ADGRL2: variants seen among roughly 807,000 people sequenced by gnomAD.
ADGRL2 encodes the protein calcium-independent alpha-latrotoxin receptor 2.
In ADGRL2, 44 loss-of-function variants were observed where a neutral mutation model predicts 157.4. The ratio of observed to expected loss-of-function variants is 0.28; its 90% CI spans 0.22 to 0.36. The LOEUF is 0.36. ADGRL2 is among the 10% of genes least tolerant of loss of function. The probability of loss-of-function intolerance (pLI) is 1.00; values close to 1 mark genes in which losing one functional copy is unlikely to be tolerated. For synonymous variants in ADGRL2, 585 were observed against 624.7 expected (o/e 0.94, Z 0.95); for missense variants, 1,510 against 1,768.9 (o/e 0.85, Z 2.63).
At chr1:81,383,808 CAAAAA>C (rs56660027) in intron 1 of ADGRL2, among the ~76,000 whole-genome samples, 15 of 104,318 alleles carry the variant, frequency 1.4e-4, no homozygotes, top group African/African-American at 5.1e-4. Flanking sequence ...ACTAAAAATA[CAAAAA>C]AAAAAAAAAA....
chr1:81,764,968 T>C (rs2086062156), intron 2 of ADGRL2, among the ~76,000 whole-genome samples: 3 of 152,092 alleles, frequency 2.0e-5, no homozygotes, highest in African/African-American at 7.2e-5. Flanking sequence ...CTCATCCATA[T>C]TTCGTTGAAA....
rs796358240 is a variant in ADGRL2, at chr1:81,993,777, C to T, written c.*2632C>T. Among the ~76,000 whole-genome samples, 2 of 152,102 alleles carry T rather than the reference C, an allele frequency of 1.3e-5. No individual in the cohort carries two copies. The highest frequency in any genetic ancestry group is 2.4e-5 in the African/African-American group (1 of 41,398). On this transcript the variant is annotated 3_prime_UTR_variant, in exon 24 of 24. Coordinates refer to ENST00000686636, the MANE Select transcript of ADGRL2 (RefSeq NM_001366006.2). ...TTTCTTTGGGTCTGCCTAGACTTCA[C>T]CTGAATGTACAGTTTTCACATTCTT... is the stretch of plus-strand genomic sequence containing the variant.
chr1:81,967,890 A>G (rs1274034994), intron 13 of ADGRL2, 136 bp from the exon 14 acceptor site: 6 of 696,318 alleles, frequency 8.6e-6, no homozygotes, highest in Non-Finnish European at 1.2e-5. Flanking sequence ...CATAGTCCAC[A>G]ATTTTGCTGA....
At chr1:81,677,237 G>A (rs1056735570) in intron 3 of ADGRL2, among the ~76,000 whole-genome samples, 18 of 151,774 alleles carry the variant, frequency 1.2e-4, no homozygotes, top group African/African-American at 3.4e-4. Context: ...TGCCTGCCTC[G>A]GCCTCCCAAA....
At chr1:81,460,914 T>G (rs1051935159) in intron 2 of ADGRL2, among the ~76,000 whole-genome samples, 2 of 152,208 alleles carry the variant, frequency 1.3e-5, no homozygotes, top group Non-Finnish European at 2.9e-5. Flanking sequence ...CAAGTGTACA[T>G]TTTATATTTG....
rs759539614 is a variant in ADGRL2, at chr1:81,907,090, G to A, written c.147G>A (p.Leu49=). Residue 49 remains leucine (L), a synonymous_variant, in exon 3 of 24, where the codon CTG becomes CTA. Coordinates refer to ENST00000686636, the MANE Select transcript of ADGRL2 (RefSeq NM_001366006.2). Reference sequence around the variant, plus strand: ...CCTGTGAAGGTTATTCTATAGATCTGCGATGCCCGGGCAGTGATGTCATCA... The same window carrying A: ...CCTGTGAAGGTTATTCTATAGATCTACGATGCCCGGGCAGTGATGTCATCA... The part of the protein sequence containing the change: ...ELSCEGYSID[L]RCPGSDVIMI... 57 of 1,613,984 alleles carry A rather than the reference G, an allele frequency of 3.5e-5. No individual in the cohort carries two copies. Among genetic ancestry groups the A allele is most frequent in the Non-Finnish European group, 4.7e-5 (55 of 1,180,012 alleles).
chr1:81,867,634 T>C (rs527651719), intron 2 of ADGRL2, among the ~76,000 whole-genome samples: 1 of 152,320 alleles, frequency 6.6e-6, no homozygotes, highest in East Asian at 1.9e-4. Flanking sequence ...AAAAAGAAGA[T>C]TGTGAACTAC....
intron 2 of ADGRL2, among the ~76,000 whole-genome samples, chr1:81,791,624 C>CA (rs1051304479): frequency 6.8e-6 from 1 of 147,820 alleles, no homozygotes; most frequent in Non-Finnish European, 1.5e-5. Flanking sequence ...ATGGAATTTC[C>CA]AAAAAAAGAA....
At chr1:81,396,145 A>G (rs1472977727) in intron 1 of ADGRL2, among the ~76,000 whole-genome samples, 1 of 152,124 alleles carries the variant, frequency 6.6e-6, no homozygotes, top group Non-Finnish European at 1.5e-5. Flanking sequence ...GAGCATGGGA[A>G]GTCTTTCCAT....
chr1:81,747,128 T>TGTATACATATATAC (rs1221212701), intron 1 of ADGRL2, among the ~76,000 whole-genome samples: 6 of 144,096 alleles, frequency 4.2e-5, no homozygotes, highest in Non-Finnish European at 9.1e-5. Flanking sequence ...TGTGTATATA[T>TGTATACATATATAC]GTATATATGT....
At chr1:81,976,808 T>A (rs1195060248) in intron 17 of ADGRL2, among the ~76,000 whole-genome samples, 7 of 151,906 alleles carry the variant, frequency 4.6e-5, no homozygotes, top group African/African-American at 7.2e-5. Context: ...GAGAATTAGT[T>A]AATTCTGGCA....
At chr1:81,372,619 TTC>T (rs1253093508) in intron 1 of ADGRL2, among the ~76,000 whole-genome samples, 3 of 152,228 alleles carry the variant, frequency 2.0e-5, no homozygotes, top group Non-Finnish European at 4.4e-5. Flanking sequence ...TTAGTTTATT[TTC>T]TCTGTTACTC....
At chr1:81,400,743 C>CA (rs550244744) in intron 1 of ADGRL2, among the ~76,000 whole-genome samples, 2 of 152,164 alleles carry the variant, frequency 1.3e-5, no homozygotes, top group East Asian at 3.9e-4. Flanking sequence ...CCCTGGGAGA[C>CA]AGGGAGCACC....
At chr1:81,386,179 C>T (rs538355041) in intron 1 of ADGRL2, among the ~76,000 whole-genome samples, 31 of 152,230 alleles carry the variant, frequency 2.0e-4, no homozygotes, top group African/African-American at 7.5e-4. Context: ...CAAAGGTAAT[C>T]TAATGACATG....
intron 1 of ADGRL2, among the ~76,000 whole-genome samples, chr1:81,403,556 G>C (rs113841398): frequency 6.6e-6 from 1 of 151,604 alleles, no homozygotes; most frequent in Non-Finnish European, 1.5e-5. Flanking sequence ...ATGAGTCACC[G>C]TGCCTGGCCA....
chr1:81,487,759 G>A (rs2078540213), intron 2 of ADGRL2, among the ~76,000 whole-genome samples: 1 of 152,112 alleles, frequency 6.6e-6, no homozygotes, highest in Admixed American at 6.5e-5. Flanking sequence ...ACCATGTTAA[G>A]GTTATACTCC....
chr1:81,611,660 T>C (rs1358678895), intron 3 of ADGRL2, among the ~76,000 whole-genome samples: 2 of 152,172 alleles, frequency 1.3e-5, no homozygotes, highest in Non-Finnish European at 2.9e-5. Context: ...AATGATTCAA[T>C]CTGAAATCAC....
intron 2 of ADGRL2, among the ~76,000 whole-genome samples, chr1:81,845,704 T>C (rs2092761500): frequency 1.3e-5 from 2 of 151,792 alleles, no homozygotes; most frequent in Admixed American, 1.3e-4. Context: ...TACAATTTAT[T>C]GATAATCCCC....
At chr1:81,534,560 T>TA (rs2079688069) in intron 2 of ADGRL2, among the ~76,000 whole-genome samples, 1 of 152,206 alleles carries the variant, frequency 6.6e-6, no homozygotes, top group African/African-American at 2.4e-5. Flanking sequence ...AGCTACACAA[T>TA]AACTTTGAGC....
Sources: allele counts gnomAD v4.1 joint callset (sites outside exome capture counted in the v4.1 genomes callset), GRCh38; gene constraint gnomAD v4.1.1; transcripts MANE v1.5; gene names NCBI Gene and HGNC (gene_info 2026-07-23, HGNC 2026-07-21).